Variants in LAMB1 observed in about 807,000 individuals in gnomAD.
LAMB1 encodes laminin subunit beta-1.
LAMB1 carries 121 observed loss-of-function variants against 222.3 expected under a neutral mutation model. That is an observed-to-expected ratio of 0.54 (90% confidence interval 0.47 to 0.63). LAMB1 has a LOEUF of 0.63. LAMB1 is among the 30% of genes least tolerant of loss of function. The pLI, the probability that LAMB1 is intolerant of heterozygous loss-of-function variation, is 0.00. For synonymous variants in LAMB1, 794 were observed against 807.2 expected (o/e 0.98, Z 0.28); for missense variants, 2,172 against 2,240.8 (o/e 0.97, Z 0.62).
intron 9 of LAMB1, among the ~76,000 whole-genome samples, chr7:107,976,485 A>T (rs2150439569): frequency 6.6e-6 from 1 of 152,278 alleles, no homozygotes; most frequent in East Asian, 1.9e-4. Context: ...GGTGCCACCC[A>T]GCTTTAATCA....
intron 7 of LAMB1, 43 bp from the exon 8 acceptor site, chr7:107,980,854 C>A: frequency 2.4e-6 from 3 of 1,268,906 alleles, no homozygotes; most frequent in Non-Finnish European, 2.2e-6. Context: ...ATCAGACAAG[C>A]AAGAAGTTTT....
chr7:107,947,980 C>G (rs1057022891), intron 24 of LAMB1, among the ~76,000 whole-genome samples: 181 of 105,680 alleles, frequency 1.7e-3, no homozygotes, highest in Non-Finnish European at 2.9e-3. Flanking sequence ...ATATCTTCTT[C>G]TTCTTTTTTT....
In LAMB1 at chr7:107,977,660, G is replaced by A. The variant is rs191020826; in HGVS notation, c.1000+387C>T. On this transcript the variant is annotated intron_variant, in intron 9 of 33. Coordinates refer to ENST00000222399, the MANE Select transcript of LAMB1 (RefSeq NM_002291.3). The stretch of plus-strand genomic sequence containing the variant: ...AAAAAAATTAGCAGGGCATGGTGGC[G>A]CGTGCCTGTAATCTCAGCTACTCCA... Among the ~76,000 whole-genome samples the A allele has an allele frequency of 1.8e-4, 27 of 152,140 alleles. No individual in the cohort carries two copies. The East Asian group carries it at 4.8e-3, about 27-fold the overall frequency.
chr7:107,977,553 C>CT (rs1409648360), intron 9 of LAMB1, among the ~76,000 whole-genome samples: 78 of 152,198 alleles, frequency 5.1e-4, no homozygotes, highest in South Asian at 2.5e-3. Context: ...TTTGGGAGGC[C>CT]AAGGTGGGTA....
intron 31 of LAMB1, among the ~76,000 whole-genome samples, chr7:107,928,476 G>T (rs562101299): frequency 6.6e-6 from 1 of 151,728 alleles, no homozygotes; most frequent in Non-Finnish European, 1.5e-5. Context: ...CAGAGTATAT[G>T]CTGTTTCCTC....
chr7:107,962,083 C>T (rs188231583), intron 15 of LAMB1, among the ~76,000 whole-genome samples: 1 of 152,336 alleles, frequency 6.6e-6, no homozygotes, highest in East Asian at 1.9e-4. Flanking sequence ...ACAAAACCCT[C>T]TCTTCTCTCT....
intron 24 of LAMB1, among the ~76,000 whole-genome samples, chr7:107,948,187 A>G (rs1300927602): frequency 6.6e-6 from 1 of 152,112 alleles, no homozygotes; most frequent in Non-Finnish European, 1.5e-5. Flanking sequence ...GGGTTTCACC[A>G]TGTTGGTCCG....
chr7:107,969,105 G>A (rs370429888), intron 13 of LAMB1, among the ~76,000 whole-genome samples: 1 of 152,038 alleles, frequency 6.6e-6, no homozygotes, highest in Non-Finnish European at 1.5e-5. Context: ...TGGCTAACAC[G>A]GTGAAACCCC....
rs533978201 is a variant in LAMB1, at chr7:107,973,851, G to A, written c.1483-780C>T. 1.5e-3 allele frequency among the ~76,000 whole-genome samples: 228 copies of A among 152,256 alleles called. 1 individual carries two copies. The highest frequency in any genetic ancestry group is 5.2e-3 in the African/African-American group (215 of 41,558). ...TTTAGTAGAGATGGCGTTTCATCAT[G>A]TTGGCCAGGCTAGTCTTGAACTCCT... On this transcript the variant is annotated intron_variant, in intron 12 of 33. Transcript: ENST00000222399.
In LAMB1 at chr7:107,932,162, C is replaced by T. The variant is rs201617431; in HGVS notation, c.4392+12G>A. On this transcript the variant is annotated intron_variant, in intron 28 of 33. Transcript: ENST00000222399. ...CATACATAACAAAAACTGAGGCCAT[C>T]CACTGAGTTACCATCTTGGAGAGCT... The T allele has an allele frequency of 1.2e-4, 189 of 1,613,236 alleles. No homozygotes were observed. Among genetic ancestry groups the T allele is most frequent in the Middle Eastern group, 1.6e-4 (1 of 6,082 alleles).
In LAMB1 at chr7:107,940,230, G is replaced by C. The variant is rs1458311860; in HGVS notation, c.3520C>G (p.Pro1174Ala). The C allele has an allele frequency of 6.2e-7, 1 of 1,614,184 alleles. No individual in the cohort carries two copies. The highest frequency in any genetic ancestry group is 1.7e-5 in the Admixed American group (1 of 60,032). Residue 1174 changes from proline (P) to alanine (A), a missense_variant, in exon 25 of 34, where the codon CCT (proline) becomes GCT (alanine). Pro to Ala is a conservative substitution (Grantham distance 27). Transcript: ENST00000222399. ...KCTRGYSGVF[P>A]DCTPCHQCFA... The stretch of plus-strand genomic sequence containing the variant: ...CACTGGTGGCAGGGTGTGCAGTCAG[G>C]GAAGACCCCCGAGTACCCTCGCGTG...
intron 27 of LAMB1, among the ~76,000 whole-genome samples, chr7:107,933,649 A>G (rs988500108): frequency 2.0e-5 from 3 of 152,200 alleles, no homozygotes; most frequent in Non-Finnish European, 4.4e-5. Flanking sequence ...CCACAAAGAT[A>G]CAGAACTAGA....
chr7:107,926,875 G>T (rs1389718638), intron 31 of LAMB1, among the ~76,000 whole-genome samples: 1 of 152,112 alleles, frequency 6.6e-6, no homozygotes, highest in East Asian at 1.9e-4. Flanking sequence ...ATGATGTATG[G>T]TCTGGGAACG....
intron 32 of LAMB1, 116 bp from the exon 33 acceptor site, chr7:107,924,505 A>G: frequency 1.5e-6 from 1 of 666,694 alleles, no homozygotes; most frequent in South Asian, 3.0e-5. Flanking sequence ...AAGGATATTC[A>G]CTGGTAAGTA....
chr7:107,978,567 C>A (rs1321245780), intron 8 of LAMB1, among the ~76,000 whole-genome samples: 1 of 151,626 alleles, frequency 6.6e-6, no homozygotes, highest in Non-Finnish European at 1.5e-5. Flanking sequence ...ACCTGGAAAC[C>A]AATTTATATT....
chr7:107,999,949 G>A (rs1029666644), intron 3 of LAMB1: 1 of 151,944 alleles, frequency 6.6e-6, no homozygotes, highest in Non-Finnish European at 1.5e-5. Context: ...CTCTAGTAAC[G>A]AACTATAGAA....
intron 9 of LAMB1, among the ~76,000 whole-genome samples, chr7:107,977,605 C>T (rs1017058): frequency 0.96 from 146,492 of 152,120 alleles, 70,646 homozygotes; most frequent in Middle Eastern, 1. Flanking sequence ...CTGACTAACA[C>T]GATGAAACCT....
At position 107,953,629 on chromosome 7, in the gene LAMB1, T is replaced by C; in HGVS notation, c.2980A>G (p.Thr994Ala). 1 of 1,614,136 alleles carries C rather than the reference T, an allele frequency of 6.2e-7. No homozygotes were observed. Among genetic ancestry groups the C allele is most frequent in the Middle Eastern group, 1.6e-4 (1 of 6,062 alleles). ...TACAGGCACTTGAGACACCTCCCAG[T>C]CTCCTTGTCACAGGCTTCTGGGTCT... The part of the protein sequence containing the change: ...TTDPEACDKE[T>A]GRCLKCLYHT... Residue 994 changes from threonine to alanine, a missense_variant, in exon 22 of 34, where the codon ACT (threonine) becomes GCT (alanine). Physicochemically the swap from Thr to Ala is moderately conservative, Grantham distance 58. Transcript: ENST00000222399.
intron 13 of LAMB1, among the ~76,000 whole-genome samples, chr7:107,969,368 GA>G: frequency 6.6e-6 from 1 of 150,618 alleles, no homozygotes; most frequent in Middle Eastern, 3.4e-3. Context: ...GGTGAATAAA[GA>G]AAATGGAATT....
Sources: allele counts gnomAD v4.1 joint callset (sites outside exome capture counted in the v4.1 genomes callset), GRCh38; gene constraint gnomAD v4.1.1; transcripts MANE v1.5; gene names NCBI Gene and HGNC (gene_info 2026-07-23, HGNC 2026-07-21).